The following GABRB1 variants were observed in gnomAD, a reference collection of about 807,000 sequenced individuals.
GABRB1 encodes gamma-aminobutyric acid type A receptor subunit beta1.
GABRB1 carries 17 observed loss-of-function variants against 51.6 expected under a neutral mutation model. That is an observed-to-expected ratio of 0.33 (90% CI 0.23 to 0.49). The LOEUF (loss-of-function observed/expected upper bound fraction) is 0.49, where lower values mean the gene tolerates loss of function less well. GABRB1 is among the 20% of genes least tolerant of loss of function. The pLI, the probability that GABRB1 is intolerant of heterozygous loss-of-function variation, is 0.99. For missense variants in GABRB1, 410 were observed against 600.6 expected (o/e 0.68, Z 3.32); for synonymous variants, 247 against 218.9 (o/e 1.13, Z -1.14).
intron 4 of GABRB1, among the ~76,000 whole-genome samples, chr4:47,267,215 C>T (rs999313671): frequency 3.3e-5 from 5 of 151,770 alleles, no homozygotes; most frequent in East Asian, 3.9e-4. Context: ...AGAATAAAGG[C>T]ATTTTTAAAA....
At chr4:47,211,506 T>C (rs1341578322) in intron 4 of GABRB1, among the ~76,000 whole-genome samples, 1 of 152,184 alleles carries the variant, frequency 6.6e-6, no homozygotes, top group Non-Finnish European at 1.5e-5. Flanking sequence ...CAGTTTAATA[T>C]AACAACTACT....
At chr4:47,277,367 G>C (rs1723122606) in intron 4 of GABRB1, among the ~76,000 whole-genome samples, 2 of 152,108 alleles carry the variant, frequency 1.3e-5, no homozygotes, top group South Asian at 4.1e-4. Flanking sequence ...AGGCTCGGAA[G>C]GATAGTGAGG....
At chr4:47,343,693 T>C (rs1725985333) in intron 5 of GABRB1, among the ~76,000 whole-genome samples, 1 of 152,192 alleles carries the variant, frequency 6.6e-6, no homozygotes, top group Non-Finnish European at 1.5e-5. Flanking sequence ...CTGGCATGTA[T>C]ATACCAGAAA....
intron 5 of GABRB1, among the ~76,000 whole-genome samples, chr4:47,322,536 C>T (rs1259479619): frequency 6.6e-6 from 1 of 152,104 alleles, no homozygotes; most frequent in Non-Finnish European, 1.5e-5. Context: ...AGATGATATA[C>T]TTGAGGCTCA....
intron 4 of GABRB1, among the ~76,000 whole-genome samples, chr4:47,185,264 A>G (rs781451126): frequency 7.2e-5 from 11 of 151,830 alleles, no homozygotes; most frequent in Admixed American, 1.3e-4. Context: ...ACACCTCACA[A>G]TATTATTCAC....
At chr4:47,141,117 A>G (rs1401651529) in intron 3 of GABRB1, among the ~76,000 whole-genome samples, 2 of 151,890 alleles carry the variant, frequency 1.3e-5, no homozygotes, top group African/African-American at 2.4e-5. Flanking sequence ...ATATCGCTAT[A>G]CTAGCATATT....
intron 3 of GABRB1, among the ~76,000 whole-genome samples, chr4:47,090,971 G>A (rs1380744237): frequency 6.6e-6 from 1 of 152,094 alleles, no homozygotes; most frequent in Non-Finnish European, 1.5e-5. Context: ...GTGTTGTTCT[G>A]TGTAATTCAA....
intron 3 of GABRB1, among the ~76,000 whole-genome samples, chr4:47,146,964 T>C (rs573193682): frequency 6.6e-6 from 1 of 152,228 alleles, no homozygotes; most frequent in African/African-American, 2.4e-5. Context: ...GGTTGAATGA[T>C]AAATTATTTA....
intron 4 of GABRB1, among the ~76,000 whole-genome samples, chr4:47,200,526 C>G (rs1313568623): frequency 6.6e-6 from 1 of 152,150 alleles, no homozygotes; most frequent in African/African-American, 2.4e-5. Flanking sequence ...TTATCTTTCA[C>G]ACTTTCCATT....
intron 5 of GABRB1, among the ~76,000 whole-genome samples, chr4:47,347,341 C>T (rs1247145656): frequency 6.6e-6 from 1 of 151,972 alleles, no homozygotes; most frequent in Non-Finnish European, 1.5e-5. Flanking sequence ...GTATTTCCCC[C>T]AAATGTGACT....
chr4:47,043,260 G>A (rs1420244221), intron 3 of GABRB1: 1 of 151,994 alleles, frequency 6.6e-6, no homozygotes, highest in Non-Finnish European at 1.5e-5. Flanking sequence ...AGGAAGACTG[G>A]ATAAAAAATT....
chr4:47,161,197 A>C (rs776529820), intron 3 of GABRB1, 52 bp from the exon 4 acceptor site: 17 of 1,180,868 alleles, frequency 1.4e-5, no homozygotes, highest in Non-Finnish European at 1.9e-5. Context: ...TAAACCTTAG[A>C]TGATAATGAT....
intron 3 of GABRB1, among the ~76,000 whole-genome samples, chr4:47,099,401 G>A (rs148591042): frequency 6.6e-6 from 1 of 152,108 alleles, no homozygotes; most frequent in Non-Finnish European, 1.5e-5. Context: ...TTGAGCTCTG[G>A]CACACATAAC....
chr4:47,162,471 C>A (rs2165611), intron 4 of GABRB1, among the ~76,000 whole-genome samples: 102,569 of 151,506 alleles, frequency 0.68, 35,264 homozygotes, highest in Middle Eastern at 0.83. Flanking sequence ...ATTTTTTTTG[C>A]AAGAAAGAAT....
intron 8 of GABRB1, among the ~76,000 whole-genome samples, chr4:47,423,312 T>C (rs887575156): frequency 4.6e-5 from 7 of 152,228 alleles, no homozygotes; most frequent in African/African-American, 1.7e-4. Flanking sequence ...GTCCATTCAG[T>C]GTAGTTGTCA....
At chr4:47,071,769 G>A (rs1727346048) in intron 3 of GABRB1, among the ~76,000 whole-genome samples, 1 of 151,264 alleles carries the variant, frequency 6.6e-6, no homozygotes, top group South Asian at 2.1e-4. Flanking sequence ...CATATGAAGG[G>A]CATTCAAAAG....
intron 4 of GABRB1, among the ~76,000 whole-genome samples, chr4:47,317,093 T>C (rs114327382): frequency 1.1e-4 from 17 of 152,076 alleles, no homozygotes; most frequent in East Asian, 3.9e-4. Flanking sequence ...CTTGGCACCA[T>C]TGACATTTTG....
chr4:47,376,718 AAGCTAGGCTGACAGGATTTG>A (rs1378566991), intron 5 of GABRB1, among the ~76,000 whole-genome samples: 1 of 151,992 alleles, frequency 6.6e-6, no homozygotes, highest in African/African-American at 2.4e-5. Context: ...GTAGAGGCAC[AAGCTAGGCTGACAGGATTTG>A]AGCAGTGAAA....
At chr4:47,327,361 A>C (rs1725298668) in intron 5 of GABRB1, among the ~76,000 whole-genome samples, 1 of 151,098 alleles carries the variant, frequency 6.6e-6, no homozygotes. Flanking sequence ...ATCTCTTAAA[A>C]GAAAAAAAGA....
Sources: gnomAD v4.1 joint callset for allele counts (sites outside exome capture counted in the v4.1 genomes callset) on GRCh38, gnomAD v4.1.1 for gene constraint, MANE v1.5 for transcripts, NCBI Gene and HGNC (gene_info 2026-07-23, HGNC 2026-07-21) for gene names.